The following ST7 variants were observed in gnomAD, a reference collection of about 807,000 sequenced individuals.
The protein encoded by ST7 is suppressor of tumorigenicity 7 protein.
In ST7, 28 loss-of-function variants were observed where a neutral mutation model predicts 78.7. The observed-to-expected ratio is 0.36, with a 90% confidence interval of 0.26 to 0.49. The LOEUF is 0.49. Ranked by LOEUF, ST7 falls within the 20% of genes least tolerant of loss-of-function variation. ST7 has a pLI of 0.99. For synonymous variants in ST7, 247 were observed against 249.6 expected (o/e 0.99, Z 0.10); for missense variants, 418 against 696.0 (o/e 0.60, Z 4.49).
chr7:117,106,031 G>A (rs1004641022), intron 2 of ST7, among the ~76,000 whole-genome samples: 4 of 151,526 alleles, frequency 2.6e-5, no homozygotes, highest in Admixed American at 1.3e-4. Flanking sequence ...TCGCTGTGTC[G>A]CCCAGGCCAG....
intron 8 of ST7, chr7:117,136,643 AT>A: frequency 3.5e-6 from 1 of 282,416 alleles, no homozygotes; most frequent in South Asian, 6.7e-5. Context: ...TACAACATGG[AT>A]TGAAATAGGA....
intron 1 of ST7, among the ~76,000 whole-genome samples, chr7:117,096,229 A>G (rs1233571977): frequency 2.0e-5 from 3 of 152,114 alleles, no homozygotes; most frequent in Non-Finnish European, 4.4e-5. Flanking sequence ...GAAGCTAGGC[A>G]AGATATTTTT....
intron 1 of ST7, among the ~76,000 whole-genome samples, chr7:117,042,847 A>G (rs943705178): frequency 2.0e-5 from 3 of 152,054 alleles, no homozygotes; most frequent in Admixed American, 1.3e-4. Context: ...GGGAAAATTC[A>G]TGCAATTAAA....
chr7:117,131,849 T>C, intron 5 of ST7, 36 bp from the exon 6 acceptor site: 1 of 1,557,486 alleles, frequency 6.4e-7, no homozygotes, highest in East Asian at 2.2e-5. Context: ...ATTATATGTA[T>C]GGATTGACTT....
intron 1 of ST7, among the ~76,000 whole-genome samples, chr7:117,017,288 G>A (rs1795660836): frequency 6.6e-6 from 1 of 152,190 alleles, no homozygotes; most frequent in Admixed American, 6.5e-5. Flanking sequence ...CTTCATAGGG[G>A]AGGGACTCTG....
chr7:117,161,499 T>A (rs1807141842), intron 9 of ST7, among the ~76,000 whole-genome samples: 1 of 151,834 alleles, frequency 6.6e-6, no homozygotes, highest in Admixed American at 6.6e-5. Flanking sequence ...ATAATATAGA[T>A]AAAGCTGTGG....
At chr7:117,088,311 G>T (rs577665178) in intron 1 of ST7, among the ~76,000 whole-genome samples, 3 of 152,102 alleles carry the variant, frequency 2.0e-5, no homozygotes, top group Non-Finnish European at 4.4e-5. Context: ...CTGTCTCAAG[G>T]GTAGGATCAG....
chr7:117,118,707 G>A (rs3808221), intron 2 of ST7, among the ~76,000 whole-genome samples: 21,732 of 152,066 alleles, frequency 0.14, 3,276 homozygotes, highest in African/African-American at 0.38. Context: ...AAGATGTGGG[G>A]GAGAACCGCT....
intron 1 of ST7, chr7:117,080,857 A>G (rs962983099): frequency 1.3e-5 from 2 of 152,206 alleles, no homozygotes; most frequent in Non-Finnish European, 2.9e-5. Context: ...GCATATTTTA[A>G]TACCAACCTT....
intron 10 of ST7, among the ~76,000 whole-genome samples, chr7:117,185,278 T>A (rs2117354974): frequency 6.6e-6 from 1 of 152,314 alleles, no homozygotes; most frequent in Non-Finnish European, 1.5e-5. Flanking sequence ...ATATGATAAA[T>A]TCTACTTTTG....
Position 117,190,040 on chromosome 7 carries a change from A to C in ST7, c.1151+647A>C, listed in dbSNP as rs2117390725. On this transcript the variant is annotated intron_variant, in intron 11 of 15. Transcript: ENST00000323984. The surrounding 1 kb of genome is among the most constrained non-coding windows in gnomAD (Gnocchi z 5.2). Reference sequence around the variant, plus strand: ...GTAGCATCGAAAGCAGAGAACAGGAAACCAGCCTCTGCTGTATCAGACAGG... The same window carrying C: ...GTAGCATCGAAAGCAGAGAACAGGACACCAGCCTCTGCTGTATCAGACAGG... 1 of 158,896 alleles carries C rather than the reference A, an allele frequency of 6.3e-6. No homozygotes were observed. Among genetic ancestry groups the C allele is most frequent in the South Asian group, 2.1e-4 (1 of 4,830 alleles). The allele number at this position is 158,896 out of a possible 1,614,324, so 9.8% of individuals were successfully genotyped here.
intron 1 of ST7, among the ~76,000 whole-genome samples, chr7:117,050,972 G>C (rs1797763020): frequency 6.6e-6 from 1 of 151,480 alleles, no homozygotes; most frequent in Admixed American, 6.6e-5. Context: ...CAGGCTATGC[G>C]GTTTGAGTTT....
Position 116,989,967 on chromosome 7 carries a change from G to A in ST7, c.151+36276G>A, listed in dbSNP as rs534320538. Among the ~76,000 whole-genome samples, 3 of 152,268 alleles carry A rather than the reference G, an allele frequency of 2.0e-5. No homozygotes were observed. The South Asian group carries it at 6.2e-4, about 32-fold the overall frequency. ...TTTGTTTGTTTGTTTTTGAGACAGA[G>A]TCTCGCTCTGTTGCCCAGGCTGGAG... On this transcript the variant is annotated intron_variant, in intron 1 of 15. Coordinates refer to ENST00000323984, the MANE Select transcript of ST7 (RefSeq NM_001369598.1).
chr7:117,228,834 G>C (rs922997377), intron 15 of ST7, among the ~76,000 whole-genome samples: 6 of 152,132 alleles, frequency 3.9e-5, no homozygotes, highest in African/African-American at 1.4e-4. Flanking sequence ...TTAGGACAAA[G>C]GGCTCCATGG....
chr7:117,111,928 A>G (rs1373580678), intron 2 of ST7, among the ~76,000 whole-genome samples: 1 of 152,182 alleles, frequency 6.6e-6, no homozygotes. Context: ...AATGCATACA[A>G]TTCTGTATGT....
intron 1 of ST7, among the ~76,000 whole-genome samples, chr7:117,053,847 A>G (rs971816961): frequency 2.2e-5 from 1 of 45,316 alleles, no homozygotes; most frequent in Non-Finnish European, 4.4e-5. Flanking sequence ...AGAGGACTAG[A>G]CGGTTTTTTT....
chr7:117,031,880 ATAT>A (rs1435647624), intron 1 of ST7, among the ~76,000 whole-genome samples: 14 of 136,488 alleles, frequency 1.0e-4, no homozygotes, highest in East Asian at 2.2e-4. Flanking sequence ...CTATATATAT[ATAT>A]TTTTTTTTTT....
At chr7:117,141,857 A>G (rs1371462618) in intron 9 of ST7, among the ~76,000 whole-genome samples, 1 of 151,660 alleles carries the variant, frequency 6.6e-6, no homozygotes, top group Non-Finnish European at 1.5e-5. Flanking sequence ...TTTTGTAGAG[A>G]CTGGGTTTTG....
chr7:117,194,690 C>G (rs1192619438), intron 12 of ST7, among the ~76,000 whole-genome samples: 1 of 152,208 alleles, frequency 6.6e-6, no homozygotes, highest in African/African-American at 2.4e-5. Context: ...AAGGACTACC[C>G]TCACCACGGT....
Sources: allele counts gnomAD v4.1 joint callset (sites outside exome capture counted in the v4.1 genomes callset), GRCh38; gene constraint gnomAD v4.1.1; non-coding constraint Gnocchi (gnomAD v3.1); transcripts MANE v1.5; gene names NCBI Gene and HGNC (gene_info 2026-07-23, HGNC 2026-07-21).